SEC14L4: variants seen among roughly 807,000 people sequenced by gnomAD.
SEC14L4 encodes SEC14-like protein 4.
A neutral mutation model predicts 55.1 loss-of-function variants in SEC14L4; 42 were observed. The observed-to-expected ratio is 0.76, with a 90% confidence interval of 0.60 to 0.99. The LOEUF is 0.99. Ranked by LOEUF, SEC14L4 falls within the 50% of genes least tolerant of loss-of-function variation. The pLI is 0.00. For synonymous variants in SEC14L4, 206 were observed against 206.8 expected, an observed-to-expected ratio of 1.00 and a Z score of 0.03; for missense variants, 445 against 512.1, an observed-to-expected ratio of 0.87 and a Z score of 1.27.
At position 30,494,750 on chromosome 22, in the gene SEC14L4, C is replaced by T. The variant is rs903576098; in HGVS notation, c.519+116G>A. On this transcript the variant is annotated intron_variant, in intron 6 of 11. Transcript: ENST00000255858. ...CAGCATCATTGGCTGGTCTGTGGAG[C>T]CCCTGCAAGGCATCCCCACCCCTCT... is the stretch of plus-strand genomic sequence containing the variant. 8 of 691,300 alleles carry T rather than the reference C, an allele frequency of 1.2e-5. No individual in the cohort carries two copies. The East Asian group carries it at 1.6e-4, about 14-fold the overall frequency. 42.8% of individuals were successfully genotyped at this position (691,300 alleles called of 1,614,324 possible).
chr22:30,499,173 G>A (rs758578846), intron 2 of SEC14L4, among the ~76,000 whole-genome samples: 2 of 151,780 alleles, frequency 1.3e-5, no homozygotes, highest in Non-Finnish European at 2.9e-5. Flanking sequence ...TTGATCTCCT[G>A]AGCCACCGCG....
chr22:30,489,754 C>T lies in SEC14L4; in HGVS notation c.*353G>A, dbSNP rs1390184278. On this transcript the variant is annotated 3_prime_UTR_variant, in exon 12 of 12. Coordinates refer to ENST00000255858, the MANE Select transcript of SEC14L4 (RefSeq NM_174977.4). Reference sequence around the variant, plus strand: ...ACGCACACCCCCTGAAGCTGGAACACCAGGCATGGGTGAGTCCTGGGTGGC... The same window carrying T: ...ACGCACACCCCCTGAAGCTGGAACATCAGGCATGGGTGAGTCCTGGGTGGC... The T allele has an allele frequency of 1.9e-6, 2 of 1,056,654 alleles. No individual in the cohort carries two copies. The highest frequency in any genetic ancestry group is 2.9e-6 in the Non-Finnish European group (2 of 697,230). The allele number at this position is 1,056,654 out of a possible 1,614,324, so 65.5% of individuals were successfully genotyped here. A position where few individuals can be genotyped will look rare whatever the true frequency, so the allele number is the denominator to read the frequency against.
In SEC14L4 at chr22:30,489,992, C is replaced by T. The variant is rs866426337; in HGVS notation, c.*115G>A. 1.2e-5 allele frequency: 18 copies of T among 1,558,486 alleles called. No homozygotes were observed. The highest frequency in any genetic ancestry group is 1.7e-4 in the Middle Eastern group (1 of 5,984). ...AGCCTACAATGAGATGAAATGGTGA[C>T]GTGGGACAAGTGGCTCTCTGCAGCC... is the stretch of plus-strand genomic sequence containing the variant. On this transcript the variant is annotated 3_prime_UTR_variant, in exon 12 of 12. Coordinates refer to ENST00000255858, the MANE Select transcript of SEC14L4 (RefSeq NM_174977.4).
At chr22:30,500,783 T>TA (rs398036837) in intron 2 of SEC14L4, among the ~76,000 whole-genome samples, 1 of 141,010 alleles carries the variant, frequency 7.1e-6, no homozygotes, top group Non-Finnish European at 1.5e-5. Context: ...TTTTTTTTTT[T>TA]AGTAACACCT....
chr22:30,494,708 GA>G (rs1419213309), intron 6 of SEC14L4, among the ~76,000 whole-genome samples, 157 bp downstream of exon 6: 2 of 152,090 alleles, frequency 1.3e-5, no homozygotes, highest in Non-Finnish European at 2.9e-5. Context: ...TTTCTCCGTG[GA>G]GGGTGGTCTC....
chr22:30,500,243 T>C (rs1390425637), intron 2 of SEC14L4, among the ~76,000 whole-genome samples: 1 of 152,142 alleles, frequency 6.6e-6, no homozygotes, highest in African/African-American at 2.4e-5. Context: ...GGGGAAGTTT[T>C]TGCTGCCATT....
intron 6 of SEC14L4, 150 bp from the exon 7 acceptor site, chr22:30,494,360 C>CT (rs1936068926): frequency 1.5e-6 from 1 of 665,902 alleles, no homozygotes; most frequent in Non-Finnish European, 2.7e-6. Flanking sequence ...CTCTGTTATT[C>CT]TTTTTTTGTT....
At chr22:30,493,403 T>C (rs1936032001) in intron 7 of SEC14L4, among the ~76,000 whole-genome samples, 1 of 152,198 alleles carries the variant, frequency 6.6e-6, no homozygotes, top group African/African-American at 2.4e-5. Flanking sequence ...ATCCCCATCT[T>C]ACATAATGGG....
At chr22:30,503,359 G>A (rs1476451470) in intron 2 of SEC14L4, among the ~76,000 whole-genome samples, 1 of 151,976 alleles carries the variant, frequency 6.6e-6, no homozygotes, top group Non-Finnish European at 1.5e-5. Flanking sequence ...CTGCCTCCCG[G>A]GTTCAAGCGA....
Position 30,489,969 on chromosome 22 carries a change from C to T in SEC14L4, c.*138G>A. On this transcript the variant is annotated 3_prime_UTR_variant, in exon 12 of 12. Transcript: ENST00000255858. The stretch of plus-strand genomic sequence containing the variant: ...CTGCTTGGCCACTGTGCCAGGTGAG[C>T]CTACAATGAGATGAAATGGTGACGT... 1 of 1,553,250 alleles carries T rather than the reference C, an allele frequency of 6.4e-7. No homozygotes were observed. Among genetic ancestry groups the T allele is most frequent in the Non-Finnish European group, 8.7e-7 (1 of 1,147,632 alleles).
chr22:30,494,424 G>C (rs1936071329), intron 6 of SEC14L4, among the ~76,000 whole-genome samples: 1 of 152,172 alleles, frequency 6.6e-6, no homozygotes, highest in Non-Finnish European at 1.5e-5. Flanking sequence ...GTGGAGTATA[G>C]TGGCACAATC....
intron 8 of SEC14L4, 40 bp downstream of exon 8, chr22:30,492,434 C>T (rs1420279551): frequency 1.9e-6 from 3 of 1,549,936 alleles, no homozygotes; most frequent in Non-Finnish European, 2.7e-6. Flanking sequence ...ACCTCTGCTT[C>T]CCAGGCAGAT....
At chr22:30,496,471 T>C (rs905352967) in intron 2 of SEC14L4, among the ~76,000 whole-genome samples, 2 of 152,074 alleles carry the variant, frequency 1.3e-5, no homozygotes. Flanking sequence ...TCTAGAAGAC[T>C]GGAGAGCCCT....
chr22:30,495,045 C>T, intron 5 of SEC14L4, 84 bp from the exon 6 acceptor site: 1 of 1,252,000 alleles, frequency 8.0e-7, no homozygotes, highest in South Asian at 1.3e-5. Context: ...CTCTCCCCAC[C>T]TTCCTGCCAT....
Position 30,489,929 on chromosome 22 carries a change from A to G in SEC14L4, c.*178T>C, listed in dbSNP as rs1473812024. On this transcript the variant is annotated 3_prime_UTR_variant, in exon 12 of 12. Coordinates refer to ENST00000255858, the MANE Select transcript of SEC14L4 (RefSeq NM_174977.4). ...TCTGAATCTTCAGCATGGGCTATGC[A>G]CTGGTGGCCCCTTCCTGCTTGGCCA... 1.3e-6 allele frequency: 2 copies of G among 1,551,788 alleles called. No homozygotes were observed. Among genetic ancestry groups the G allele is most frequent in the African/African-American group, 2.7e-5 (2 of 73,052 alleles).
chr22:30,491,863 G>A lies in SEC14L4; in HGVS notation c.882C>T (p.Asn294=), dbSNP rs777623894. 2.5e-5 allele frequency: 41 copies of A among 1,612,190 alleles called. No individual in the cohort carries two copies. Among genetic ancestry groups the A allele is most frequent in the East Asian group, 4.5e-5 (2 of 44,854 alleles). The part of the protein sequence containing the change: ...VGRGSSLQVE[N]EILFPGCVLR... ...GCACACAGCCCGGGAACAGGATCTC[G>A]TTCTCCACCTGCAGGGAGGAGCCGC... Residue 294 remains asparagine, a synonymous_variant, in exon 10 of 12, where the codon AAC becomes AAT. Coordinates refer to ENST00000255858, the MANE Select transcript of SEC14L4 (RefSeq NM_174977.4).
intron 11 of SEC14L4, chr22:30,491,287 A>G (rs927637382): frequency 4.3e-6 from 2 of 461,436 alleles, no homozygotes; most frequent in Non-Finnish European, 7.8e-6. Context: ...CCCTGACTCT[A>G]AGTCCATGGC....
Position 30,495,595 on chromosome 22 carries a change from C to T in SEC14L4, c.222G>A (p.Trp74Ter). ...GCTCGAGGCTCACCTCAGGGGGCTG[C>T]CATGTGACAATGTTGTCCAGGTCTT... is the stretch of plus-strand genomic sequence containing the variant. ...KQQDLDNIVT[W>*]QPPEVIQLYD... The change falls in exon 4 of 12, where the codon TGG becomes TGA. Residue 74 changes from tryptophan to a stop codon, truncating the protein, a stop_gained. Coordinates refer to ENST00000255858, the MANE Select transcript of SEC14L4 (RefSeq NM_174977.4). LOFTEE classifies it high-confidence loss of function. 6.2e-7 allele frequency: 1 copy of T among 1,613,942 alleles called. No homozygotes were observed. Among genetic ancestry groups the T allele is most frequent in the Non-Finnish European group, 8.5e-7 (1 of 1,180,014 alleles).
intron 2 of SEC14L4, among the ~76,000 whole-genome samples, chr22:30,497,539 A>T (rs1936190033): frequency 6.6e-6 from 1 of 151,470 alleles, no homozygotes; most frequent in Non-Finnish European, 1.5e-5. Context: ...AAAAAAAAAA[A>T]GAAAGAACCC....
Sources: allele counts gnomAD v4.1 joint callset (sites outside exome capture counted in the v4.1 genomes callset), GRCh38; gene constraint gnomAD v4.1.1; transcripts MANE v1.5; gene names NCBI Gene and HGNC (gene_info 2026-07-23, HGNC 2026-07-21).